The following SFI1 variants were observed in gnomAD, a reference collection of about 807,000 sequenced individuals.
SFI1 encodes the protein protein SFI1 homolog.
Under a neutral mutation model 207.5 loss-of-function variants are expected in SFI1, and 195 were observed. The ratio of observed to expected loss-of-function variants is 0.94; its 90% CI spans 0.84 to 1.06. SFI1 has a LOEUF of 1.06. Among genes scored for constraint, SFI1 ranks in the 50% least tolerant of loss-of-function variants. SFI1 has a pLI of 0.00. For missense variants in SFI1, 1,634 were observed against 1,588.0 expected (o/e 1.03, Z -0.49); for synonymous variants, 630 against 598.9 (o/e 1.05, Z -0.76).
intron 7 of SFI1, among the ~76,000 whole-genome samples, chr22:31,557,353 T>G (rs990370614): frequency 3.3e-5 from 5 of 151,796 alleles, no homozygotes; most frequent in Admixed American, 1.3e-4. Context: ...TAATGTTTTT[T>G]TTTTTTTCAT....
At chr22:31,500,298 A>G (rs2053522167) in intron 1 of SFI1, among the ~76,000 whole-genome samples, 1 of 147,132 alleles carries the variant, frequency 6.8e-6, no homozygotes, top group Non-Finnish European at 1.5e-5. Context: ...AAAAAAAAAG[A>G]AAAAATAAAT....
intron 8 of SFI1, among the ~76,000 whole-genome samples, chr22:31,563,332 T>C (rs2061925743): frequency 6.6e-6 from 1 of 151,970 alleles, no homozygotes; most frequent in African/African-American, 2.4e-5. Flanking sequence ...TTGTGCTGAA[T>C]AGACTTGTAA....
chr22:31,607,974 T>C lies in SFI1; in HGVS notation c.2195T>C (p.Met732Thr), dbSNP rs1277688925. 1 of 1,613,898 alleles carries C rather than the reference T, an allele frequency of 6.2e-7. No homozygotes were observed. Among genetic ancestry groups the C allele is most frequent in the East Asian group, 2.2e-5 (1 of 44,866 alleles). The change falls in exon 22 of 33, where the codon ATG becomes ACG. Residue 732 changes from methionine to threonine, a missense_variant. Met to Thr is a moderately conservative substitution (Grantham distance 81). Coordinates refer to ENST00000400288, the MANE Select transcript of SFI1 (RefSeq NM_001007467.3). ...TGGCGGGAAGCTGTGTCAGTGCAGA[T>C]GTATTACCGACAGCAGGAGGACTGT... Reference protein sequence around the residue: ...VQWREAVSVQMYYRQQEDCAI... With the variant: ...VQWREAVSVQTYYRQQEDCAI...
At chr22:31,556,693 A>G (rs1020556553) in intron 6 of SFI1, among the ~76,000 whole-genome samples, 2 of 152,112 alleles carry the variant, frequency 1.3e-5, no homozygotes, top group South Asian at 2.1e-4. Context: ...CTTTTAAAGC[A>G]AAGGGTTTTT....
At chr22:31,606,211 C>G in intron 20 of SFI1, 117 bp from the exon 21 acceptor site, 1 of 853,070 alleles carries the variant, frequency 1.2e-6, no homozygotes, top group Non-Finnish European at 1.9e-6. Flanking sequence ...AACAGACATT[C>G]TTAGGTGTAG....
Position 31,613,479 on chromosome 22 carries a change from A to G in SFI1, c.2691A>G (p.Ala897=). 3 of 1,599,846 alleles carry G rather than the reference A, an allele frequency of 1.9e-6. No individual in the cohort carries two copies. The highest frequency in any genetic ancestry group is 2.5e-6 in the Non-Finnish European group (3 of 1,177,150). The change falls in exon 26 of 33, where the codon GCA becomes GCG. Residue 897 remains alanine (A), a synonymous_variant. Coordinates refer to ENST00000400288, the MANE Select transcript of SFI1 (RefSeq NM_001007467.3). ...GTGCCACGCGGCTCCTGCGCTTTGC[A>G]GCCAGCATGAAGGCCTCCCGGCAGC... ...QEGATRLLRF[A]ASMKASRQQL...
intron 8 of SFI1, among the ~76,000 whole-genome samples, chr22:31,565,220 T>G (rs1169620845): frequency 2.0e-5 from 3 of 148,556 alleles, no homozygotes; most frequent in Non-Finnish European, 4.6e-5. Flanking sequence ...ATAGCCACTC[T>G]TTTGATTCTG....
intron 10 of SFI1, among the ~76,000 whole-genome samples, chr22:31,576,413 C>T (rs566352399): frequency 5.9e-5 from 9 of 152,102 alleles, no homozygotes; most frequent in East Asian, 5.8e-4. Flanking sequence ...CTCTGCCTCC[C>T]GGGTTCAAGT....
chr22:31,573,834 T>C (rs1032910920), intron 9 of SFI1, among the ~76,000 whole-genome samples: 10 of 152,188 alleles, frequency 6.6e-5, no homozygotes, highest in Non-Finnish European at 1.5e-4. Context: ...TTTTGTATCT[T>C]CCTTTTTTCC....
At chr22:31,553,836 A>ATTTT (rs1201513765) in intron 6 of SFI1, among the ~76,000 whole-genome samples, 239 of 21,946 alleles carry the variant, frequency 0.011, 7 homozygotes, top group African/African-American at 0.03. Context: ...TTAATGGATT[A>ATTTT]TGTTTTTTTT....
chr22:31,521,237 A>G, intron 2 of SFI1: 1 of 181,738 alleles, frequency 5.5e-6, no homozygotes, highest in Non-Finnish European at 1.2e-5. Context: ...CCAATCAGAG[A>G]CTTGCGAATG....
chr22:31,598,275 A>G (rs189693508), intron 15 of SFI1, among the ~76,000 whole-genome samples: 8 of 150,200 alleles, frequency 5.3e-5, no homozygotes, highest in African/African-American at 7.3e-5. Context: ...GTGAGCCACC[A>G]TGCCCGGCCG....
intron 3 of SFI1, among the ~76,000 whole-genome samples, chr22:31,529,229 A>C (rs1050332786): frequency 6.6e-6 from 1 of 152,196 alleles, no homozygotes; most frequent in African/African-American, 2.4e-5. Context: ...GATTAGATAT[A>C]TTAGAGACAT....
At chr22:31,526,992 G>A (rs896251396) in intron 2 of SFI1, among the ~76,000 whole-genome samples, 12 of 152,086 alleles carry the variant, frequency 7.9e-5, no homozygotes, top group African/African-American at 2.7e-4. Flanking sequence ...CGCCTCCCGG[G>A]TTCAAGCGAT....
At chr22:31,602,089 A>T in intron 15 of SFI1, 123 bp from the exon 16 acceptor site, 2 of 822,056 alleles carry the variant, frequency 2.4e-6, no homozygotes, top group Non-Finnish European at 4.0e-6. Flanking sequence ...CCAGCCACTT[A>T]ATTCACCTCT....
At chr22:31,582,989 T>C (rs1247778357) in intron 12 of SFI1, among the ~76,000 whole-genome samples, 2 of 152,202 alleles carry the variant, frequency 1.3e-5, no homozygotes, top group African/African-American at 2.4e-5. Context: ...AATGGTGTGA[T>C]TGTAGCTCAT....
At position 31,514,273 on chromosome 22, in the gene SFI1, A is replaced by G. The variant is rs546145417; in HGVS notation, c.92+5897A>G. ...GTAATCCCAGCACTTTGGGAGGCCA[A>G]GGCAGTCGGATCATGAGGTCAGGAG... On this transcript the variant is annotated intron_variant, in intron 2 of 32. Coordinates refer to ENST00000400288, the MANE Select transcript of SFI1 (RefSeq NM_001007467.3). 1.4e-3 allele frequency among the ~76,000 whole-genome samples: 209 copies of G among 151,928 alleles called. 2 individuals carry two copies. The highest frequency in any genetic ancestry group is 3.4e-3 in the Middle Eastern group (1 of 294).
At chr22:31,575,474 G>C in intron 10 of SFI1, 82 bp downstream of exon 10, 3 of 1,368,856 alleles carry the variant, frequency 2.2e-6, no homozygotes, top group African/African-American at 1.5e-5. Context: ...AAAGTCATGA[G>C]ATACATGGGA....
At chr22:31,570,808 G>C (rs1378178266) in intron 8 of SFI1, among the ~76,000 whole-genome samples, 1 of 152,064 alleles carries the variant, frequency 6.6e-6, no homozygotes, top group East Asian at 1.9e-4. Flanking sequence ...GAGGTTCCAG[G>C]GCTGAGCCTG....
Sources: gnomAD v4.1 joint callset for allele counts (sites outside exome capture counted in the v4.1 genomes callset) on GRCh38, gnomAD v4.1.1 for gene constraint, MANE v1.5 for transcripts, NCBI Gene and HGNC (gene_info 2026-07-23, HGNC 2026-07-21) for gene names.